Variants in PSMC4 observed in about 807,000 individuals in gnomAD.
PSMC4 encodes 26S proteasome regulatory subunit 6B.
A neutral mutation model predicts 48.4 loss-of-function variants in PSMC4; 13 were observed. That is an observed-to-expected ratio of 0.27 (90% confidence interval 0.18 to 0.43). The LOEUF (loss-of-function observed/expected upper bound fraction) is 0.43, where lower values mean the gene tolerates loss of function less well. Ranked by LOEUF, PSMC4 falls within the 20% of genes least tolerant of loss-of-function variation. The pLI, the probability that PSMC4 is intolerant of heterozygous loss-of-function variation, is 1.00. For synonymous variants in PSMC4, 202 were observed against 212.3 expected (o/e 0.95, Z 0.42); for missense variants, 262 against 555.9 (o/e 0.47, Z 5.32).
In PSMC4 at chr19:39,980,397, A is replaced by G; in HGVS notation, c.1030A>G (p.Ile344Val). ...PLPDRRQKRL[I>V]FSTITSKMNL... is the part of the protein sequence containing the mutation. ...TCCTGACCGCCGCCAGAAGAGATTG[A>G]TTTTCTCCACTATCACTAGCAAGAT... Residue 344 changes from isoleucine to valine, a missense_variant, in exon 9 of 11, where the codon ATT becomes GTT. Physicochemically the swap from Ile to Val is conservative, Grantham distance 29. This residue lies in a region of PSMC4 where 84 missense variants were observed against 157.8 expected (regional missense o/e 0.53). Transcript: ENST00000157812. The surrounding 1 kb of genome is among the most constrained non-coding windows in gnomAD (Gnocchi z 4.8). 1 of 1,613,992 alleles carries G rather than the reference A, an allele frequency of 6.2e-7. No homozygotes were observed. Among genetic ancestry groups the G allele is most frequent in the Non-Finnish European group, 8.5e-7 (1 of 1,180,016 alleles).
rs972174381 is a variant in PSMC4 at position 39,980,220 on chromosome 19, G to T, written c.919-66G>T. The T allele has an allele frequency of 6.2e-7, 1 of 1,613,526 alleles. No homozygotes were observed. Among genetic ancestry groups the T allele is most frequent in the African/African-American group, 1.3e-5 (1 of 74,862 alleles). ...AAAGTTGGGGGCTGGCACCTAAGGG[G>T]TGGTTATCGTGACAGGAAGGAGGTA... On this transcript the variant is annotated intron_variant, in intron 8 of 10. Transcript: ENST00000157812. This position sits in a 1 kb window ranked among gnomAD's most constrained non-coding sequence, Gnocchi z 4.8.
At chr19:39,979,766 G>A (rs367676323) in intron 6 of PSMC4, 51 bp from the exon 7 acceptor site, 1 of 1,525,198 alleles carries the variant, frequency 6.6e-7, no homozygotes, top group African/African-American at 1.4e-5. Flanking sequence ...AAAGCAGAAT[G>A]GGCCCCTCAG....
Position 39,979,081 on chromosome 19 carries a change from A to G in PSMC4, c.674-736A>G, listed in dbSNP as rs576604854. On this transcript the variant is annotated intron_variant, in intron 6 of 10. Transcript: ENST00000157812. ...CGTGGTCCCTGATCTTTTTCAGGAA[A>G]TTAAAAAGCTGGTCCTTATAGCAAA... is the stretch of plus-strand genomic sequence containing the variant. 1.7e-4 allele frequency among the ~76,000 whole-genome samples: 26 copies of G among 152,322 alleles called. No homozygotes were observed. In the South Asian group the frequency reaches 5.4e-3, roughly 32 times the overall value.
chr19:39,979,348 G>A (rs985246380), intron 6 of PSMC4: 2 of 152,372 alleles, frequency 1.3e-5, no homozygotes, highest in Non-Finnish European at 2.9e-5. Flanking sequence ...ATCACTTGAG[G>A]TCAAGAGTTC....
chr19:39,977,500 G>A (rs1971223030), intron 6 of PSMC4, among the ~76,000 whole-genome samples: 1 of 151,946 alleles, frequency 6.6e-6, no homozygotes, highest in Non-Finnish European at 1.5e-5. Context: ...GCTGACTGGG[G>A]TTGAGTTTTG....
Position 39,974,382 on chromosome 19 carries a change from T to C in PSMC4, c.411T>C (p.Asn137=), listed in dbSNP as rs758922664. The change falls in exon 4 of 11, where the codon AAT becomes AAC. Residue 137 remains asparagine, a synonymous_variant. Coordinates refer to ENST00000157812, the MANE Select transcript of PSMC4 (RefSeq NM_006503.4). This position sits in a 1 kb window ranked among gnomAD's most constrained non-coding sequence, Gnocchi z 5.5. The part of the protein sequence containing the change: ...NASVALHKHS[N]ALVDVLPPEA... Reference sequence around the variant, plus strand: ...CAGTGGCCCTCCACAAGCACAGCAATGCACTGGTGGACGTGCTGCCCCCCG... The same window carrying C: ...CAGTGGCCCTCCACAAGCACAGCAACGCACTGGTGGACGTGCTGCCCCCCG... 9 of 1,614,048 alleles carry C rather than the reference T, an allele frequency of 5.6e-6. No homozygotes were observed. The South Asian group carries it at 6.6e-5, about 12-fold the overall frequency.
chr19:39,974,506 G>C lies in PSMC4; in HGVS notation c.470-18G>C, dbSNP rs200985722. 2 of 1,613,704 alleles carry C rather than the reference G, an allele frequency of 1.2e-6. No homozygotes were observed. The highest frequency in any genetic ancestry group is 2.2e-5 in the East Asian group (1 of 44,856). On this transcript the variant is annotated intron_variant, in intron 4 of 10. Coordinates refer to ENST00000157812, the MANE Select transcript of PSMC4 (RefSeq NM_006503.4). The surrounding 1 kb of genome is among the most constrained non-coding windows in gnomAD (Gnocchi z 5.5). ...CTTGAGGACCTGGCCAGGAGCCCCA[G>C]CTCTGCTCTCCCACCAGACCAGAAG...
Position 39,980,538 on chromosome 19 carries a change from C to T in PSMC4, c.1087+84C>T. 1 of 1,592,406 alleles carries T rather than the reference C, an allele frequency of 6.3e-7. No individual in the cohort carries two copies. The highest frequency in any genetic ancestry group is 8.6e-7 in the Non-Finnish European group (1 of 1,162,056). ...GCTCAACTTCTGCCAGCACCACAGC[C>T]CAGACTGTGCAGGTGGGACCAAGGT... On this transcript the variant is annotated intron_variant, in intron 9 of 10. Coordinates refer to ENST00000157812, the MANE Select transcript of PSMC4 (RefSeq NM_006503.4). This position sits in a 1 kb window ranked among gnomAD's most constrained non-coding sequence, Gnocchi z 4.8.
intron 1 of PSMC4, 28 bp downstream of exon 1, chr19:39,971,266 C>G (rs370572542): frequency 8.7e-6 from 14 of 1,613,710 alleles, no homozygotes; most frequent in Non-Finnish European, 1.1e-5. Flanking sequence ...GCTTTTTAGT[C>G]CGGGCCGGGC....
At chr19:39,972,333 T>C in intron 2 of PSMC4, 36 bp from the exon 3 acceptor site, 10 of 1,612,182 alleles carry the variant, frequency 6.2e-6, no homozygotes, top group Non-Finnish European at 8.5e-6. Flanking sequence ...TCAGCAAGTC[T>C]GGAGCCATCC....
Position 39,972,543 on chromosome 19 carries a change from G to A in PSMC4, c.310G>A (p.Gly104Ser). Residue 104 changes from glycine (G) to serine (S), a missense_variant, in exon 3 of 11, where the codon GGC (glycine) becomes AGC (serine). By Grantham distance (56) the Gly-to-Ser change is moderately conservative. Coordinates refer to ENST00000157812, the MANE Select transcript of PSMC4 (RefSeq NM_006503.4). ...TGTGGATCAGAATACAGCCATCGTGGGCTCTACCACAGGTGTGCTAAGGAC... is the reference window on the plus strand; with the variant it reads ...TGTGGATCAGAATACAGCCATCGTGAGCTCTACCACAGGTGTGCTAAGGAC... ...EAVDQNTAIV[G>S]STTGSNYYVR... 1 of 1,612,828 alleles carries A rather than the reference G, an allele frequency of 6.2e-7. No individual in the cohort carries two copies. The highest frequency in any genetic ancestry group is 8.5e-7 in the Non-Finnish European group (1 of 1,179,160).
chr19:39,971,321 G>A, intron 1 of PSMC4, 83 bp downstream of exon 1: 1 of 1,552,398 alleles, frequency 6.4e-7, no homozygotes, highest in East Asian at 2.2e-5. Context: ...GGGAGGAATG[G>A]CTTCCAGGAC....
At position 39,980,558 on chromosome 19, in the gene PSMC4, C is replaced by A; in HGVS notation, c.1087+104C>A. 6.3e-7 allele frequency: 1 copy of A among 1,586,486 alleles called. No homozygotes were observed. The highest frequency in any genetic ancestry group is 1.7e-5 in the Admixed American group (1 of 59,832). On this transcript the variant is annotated intron_variant, in intron 9 of 10. Coordinates refer to ENST00000157812, the MANE Select transcript of PSMC4 (RefSeq NM_006503.4). This position sits in a 1 kb window ranked among gnomAD's most constrained non-coding sequence, Gnocchi z 4.8. The stretch of plus-strand genomic sequence containing the variant: ...ACAGCCCAGACTGTGCAGGTGGGAC[C>A]AAGGTCCAGGGAGGAGGGGAGGTGA...
intron 3 of PSMC4, among the ~76,000 whole-genome samples, chr19:39,973,155 T>C (rs1568374369): frequency 6.6e-6 from 1 of 152,338 alleles, no homozygotes; most frequent in Admixed American, 6.5e-5. Context: ...AGGTGTGGTA[T>C]ATGCTGATGT....
Position 39,979,983 on chromosome 19 carries a change from G to A in PSMC4, c.840G>A (p.Gly280=), listed in dbSNP as rs371930483. The change falls in exon 7 of 11, where the codon GGG becomes GGA. Residue 280 remains glycine, a splice_region_variant and synonymous_variant. Transcript: ENST00000157812. ...IATKRFDAQT[G]ADREVQRILL... is the part of the protein sequence containing the mutation. ...CCAAGAGATTCGATGCTCAGACAGG[G>A]GGTAAGTGATGCTGAAACAAGGCCC... The A allele has an allele frequency of 1.2e-6, 2 of 1,613,796 alleles. No individual in the cohort carries two copies. Among genetic ancestry groups the A allele is most frequent in the African/African-American group, 1.3e-5 (1 of 74,872 alleles).
intron 1 of PSMC4, 111 bp downstream of exon 1, chr19:39,971,349 T>C (rs1156445043): frequency 2.9e-6 from 4 of 1,382,292 alleles, no homozygotes; most frequent in Non-Finnish European, 4.1e-6. Context: ...CAGGTTGGGG[T>C]TATTTTAGAG....
intron 1 of PSMC4, 39 bp from the exon 2 acceptor site, chr19:39,972,107 A>C: frequency 6.4e-7 from 1 of 1,561,914 alleles, no homozygotes; most frequent in Non-Finnish European, 8.8e-7. Context: ...TCATGAGAGG[A>C]CTGTCTTCTT....
In PSMC4 at chr19:39,980,923, G is replaced by A. The variant is rs1328383309; in HGVS notation, c.1143+206G>A. ...AGACAGGGACTCACTCTGTCGCCCAGGCTGGAGTGCAGTGGGGCAATCATG... is the reference window on the plus strand; with the variant it reads ...AGACAGGGACTCACTCTGTCGCCCAAGCTGGAGTGCAGTGGGGCAATCATG... On this transcript the variant is annotated intron_variant, in intron 10 of 10. Coordinates refer to ENST00000157812, the MANE Select transcript of PSMC4 (RefSeq NM_006503.4). The surrounding 1 kb of genome is among the most constrained non-coding windows in gnomAD (Gnocchi z 4.8). 6.6e-6 allele frequency among the ~76,000 whole-genome samples: 1 copy of A among 152,096 alleles called. No individual in the cohort carries two copies. Among genetic ancestry groups the A allele is most frequent in the African/African-American group, 2.4e-5 (1 of 41,394 alleles).
intron 3 of PSMC4, among the ~76,000 whole-genome samples, chr19:39,973,397 A>C (rs1971136827): frequency 6.6e-6 from 1 of 152,130 alleles, no homozygotes; most frequent in African/African-American, 2.4e-5. Context: ...CAGGCTGGGC[A>C]ACATGGCAAA....
Sources: allele counts gnomAD v4.1 joint callset (sites outside exome capture counted in the v4.1 genomes callset), GRCh38; gene constraint gnomAD v4.1.1; regional missense constraint gnomAD v4.1.1; non-coding constraint Gnocchi (gnomAD v3.1); transcripts MANE v1.5; gene names NCBI Gene and HGNC (gene_info 2026-07-23, HGNC 2026-07-21).